Variants in RASSF5 observed in about 807,000 individuals in gnomAD.
The protein encoded by RASSF5 is Ras association domain family member 5, also known as ras association domain-containing protein 5.
RASSF5 carries 25 observed loss-of-function variants against 40.5 expected under a neutral mutation model. The observed-to-expected ratio is 0.62, with a 90% CI of 0.45 to 0.86. The LOEUF (loss-of-function observed/expected upper bound fraction) is 0.86. RASSF5 is among the 40% of genes least tolerant of loss of function. RASSF5 has a pLI of 0.00. For missense variants in RASSF5, 521 were observed against 572.8 expected, an observed-to-expected ratio of 0.91 and a Z score of 0.92; for synonymous variants, 246 against 252.4, an observed-to-expected ratio of 0.97 and a Z score of 0.24.
At chr1:206,570,188 T>A (rs1668405388) in intron 2 of RASSF5, among the ~76,000 whole-genome samples, 1 of 150,238 alleles carries the variant, frequency 6.7e-6, no homozygotes, top group Admixed American at 6.7e-5. Context: ...GCCTCCCAGG[T>A]TCAAGTGATT....
chr1:206,558,291 G>T (rs143664701), intron 2 of RASSF5, among the ~76,000 whole-genome samples: 71 of 152,224 alleles, frequency 4.7e-4, no homozygotes, highest in African/African-American at 1.7e-3. Context: ...GGGCTTGCGT[G>T]TGTTTCCTGA....
chr1:206,576,190 T>G (rs529660972), intron 2 of RASSF5, among the ~76,000 whole-genome samples: 90 of 152,378 alleles, frequency 5.9e-4, no homozygotes, highest in Non-Finnish European at 9.0e-4. Context: ...ATGCCAGCTG[T>G]AGCCACACAG....
intron 2 of RASSF5, among the ~76,000 whole-genome samples, chr1:206,561,233 C>T (rs1553402548): frequency 6.6e-6 from 1 of 152,228 alleles, no homozygotes; most frequent in African/African-American, 2.4e-5. Context: ...CTAGGCCACA[C>T]ATCTGTTTGG....
chr1:206,510,592 T>C (rs1666590692), intron 1 of RASSF5, among the ~76,000 whole-genome samples: 1 of 152,046 alleles, frequency 6.6e-6, no homozygotes, highest in South Asian at 2.1e-4. Flanking sequence ...AAGCAGTGAG[T>C]ACAATTTGCG....
At chr1:206,533,339 G>C (rs1200844203) in intron 1 of RASSF5, among the ~76,000 whole-genome samples, 1 of 152,132 alleles carries the variant, frequency 6.6e-6, no homozygotes, top group Non-Finnish European at 1.5e-5. Context: ...GTGATCTCTG[G>C]AGGAGGTTTC....
intron 1 of RASSF5, among the ~76,000 whole-genome samples, chr1:206,526,269 A>AGTGTGTGTGTGTGTGTGTGTGTGT (rs61263066): frequency 0.011 from 1,626 of 143,076 alleles, 40 homozygotes; most frequent in East Asian, 0.04. Context: ...GCTTTCTGGC[A>AGTGTGTGTGTGTGTGTGTGTGTGT]GTGTGTGTGT....
chr1:206,570,530 C>CCTACCAATTAAACAGTAACTCA (rs1668417281), intron 2 of RASSF5, among the ~76,000 whole-genome samples: 1 of 151,934 alleles, frequency 6.6e-6, no homozygotes, highest in Non-Finnish European at 1.5e-5. Flanking sequence ...ACAGTAACTC[C>CCTACCAATTAAACAGTAACTCA]CTACCAATTA....
intron 1 of RASSF5, among the ~76,000 whole-genome samples, chr1:206,524,161 AC>A (rs1454305172): frequency 1.1e-4 from 15 of 134,672 alleles, no homozygotes; most frequent in African/African-American, 4.1e-4. Flanking sequence ...TAATATAGAT[AC>A]CATATGTAAT....
chr1:206,514,182 G>C (rs980317066), intron 1 of RASSF5, among the ~76,000 whole-genome samples: 74 of 152,232 alleles, frequency 4.9e-4, no homozygotes, highest in African/African-American at 1.8e-3. Context: ...TGGAGAGGAA[G>C]GAGGAAGGGC....
intron 1 of RASSF5, among the ~76,000 whole-genome samples, chr1:206,520,539 G>A (rs962604273): frequency 6.6e-6 from 1 of 151,658 alleles, no homozygotes; most frequent in Non-Finnish European, 1.5e-5. Flanking sequence ...TCCGGGAGGC[G>A]GAGGTTGCAG....
chr1:206,584,457 C>G lies in RASSF5; in HGVS notation c.761C>G (p.Ala254Gly), dbSNP rs910307989. The change falls in exon 4 of 6, where the codon GCT becomes GGT. Residue 254 changes from alanine (A) to glycine (G), a missense_variant. Transcript: ENST00000579436. The surrounding 1 kb of genome is among the most constrained non-coding windows in gnomAD (Gnocchi z 4.9). ...LKLRRPVTVP[A>G]GIRPQSIYDA... ...CTCCGGCGGCCTGTGACGGTGCCTG[C>G]TGGGATCCGGCCCCAGTCCATCTAT... 17 of 1,614,066 alleles carry G rather than the reference C, an allele frequency of 1.1e-5. No homozygotes were observed. The highest frequency in any genetic ancestry group is 1.4e-5 in the Non-Finnish European group (16 of 1,180,044).
At chr1:206,538,409 C>T in intron 2 of RASSF5, 116 bp downstream of exon 2, 1 of 1,374,608 alleles carries the variant, frequency 7.3e-7, no homozygotes, top group South Asian at 1.3e-5. Flanking sequence ...TCAGATTCCA[C>T]ATGCACTGGA....
chr1:206,585,321 C>T, intron 5 of RASSF5, 26 bp downstream of exon 5: 1 of 1,593,752 alleles, frequency 6.3e-7, no homozygotes, highest in Non-Finnish European at 8.6e-7. Context: ...TTGTGCAAAC[C>T]CAGGCCTTAG....
chr1:206,520,838 A>C (rs2151223), intron 1 of RASSF5, among the ~76,000 whole-genome samples: 76,779 of 151,954 alleles, frequency 0.51, 19,755 homozygotes, highest in South Asian at 0.72. Flanking sequence ...CTGCACTGGG[A>C]GCTGCTGTTG....
At chr1:206,518,592 T>C in intron 1 of RASSF5, 1 of 398,218 alleles carries the variant, frequency 2.5e-6, no homozygotes, top group Non-Finnish European at 4.4e-6. Context: ...CTGAGGCCTC[T>C]GCTACTGGCT....
rs73080905 is a variant in RASSF5 at position 206,553,736 on chromosome 1, C to G, written c.579+15443C>G. ...GGGGAGAAGAGAAGACCCCAGGAAG[C>G]TGAAAGGAAGACGGGGGCATAGTCA... On this transcript the variant is annotated intron_variant, in intron 2 of 5. Coordinates refer to ENST00000579436, the MANE Select transcript of RASSF5 (RefSeq NM_182663.4). Among the ~76,000 whole-genome samples the G allele has an allele frequency of 5.6e-3, 850 of 152,254 alleles. 10 individuals are homozygous for G. The highest frequency in any genetic ancestry group is 0.019 in the African/African-American group (793 of 41,538).
chr1:206,536,017 G>T (rs958731752), intron 1 of RASSF5, among the ~76,000 whole-genome samples: 3 of 152,080 alleles, frequency 2.0e-5, no homozygotes, highest in African/African-American at 7.2e-5. Context: ...GTGTCCCAGG[G>T]CCAGCGCCAG....
In RASSF5 at chr1:206,587,245, A is replaced by G. The variant is rs575552298; in HGVS notation, c.*267A>G. On this transcript the variant is annotated 3_prime_UTR_variant, in exon 6 of 6. Coordinates refer to ENST00000579436, the MANE Select transcript of RASSF5 (RefSeq NM_182663.4). ...CAGCTGACGTCCTCTCTCGATCTGCAAGCCTTTCACCAACCAAATAGTTGC... is the reference window on the plus strand; with the variant it reads ...CAGCTGACGTCCTCTCTCGATCTGCGAGCCTTTCACCAACCAAATAGTTGC... The G allele has an allele frequency of 2.1e-5, 9 of 422,202 alleles. No individual in the cohort carries two copies. In the East Asian group the frequency reaches 4.5e-4, roughly 21 times the overall value. The allele number at this position is 422,202 out of a possible 1,614,324, so 26.2% of individuals were successfully genotyped here.
intron 2 of RASSF5, among the ~76,000 whole-genome samples, chr1:206,546,128 G>T (rs1667686985): frequency 1.7e-5 from 1 of 60,162 alleles, no homozygotes. Flanking sequence ...TTTTTTTTTG[G>T]GACAGGATCT....
Sources: gnomAD v4.1 joint callset for allele counts (sites outside exome capture counted in the v4.1 genomes callset) on GRCh38, gnomAD v4.1.1 for gene constraint, Gnocchi (gnomAD v3.1) non-coding constraint, MANE v1.5 for transcripts, NCBI Gene and HGNC (gene_info 2026-07-23, HGNC 2026-07-21) for gene names.